Variants in CSMD3 observed in about 807,000 individuals in gnomAD.
CSMD3 encodes the protein CUB and sushi domain-containing protein 3.
CSMD3 carries 177 observed loss-of-function variants against 435.2 expected under a neutral mutation model. The observed-to-expected ratio is 0.41, with a 90% CI of 0.36 to 0.46. The LOEUF is 0.46. CSMD3 is among the 20% of genes least tolerant of loss of function. The pLI is 0.34. For missense variants in CSMD3, 4,265 were observed against 4,504.6 expected, an observed-to-expected ratio of 0.95 and a Z score of 1.52; for synonymous variants, 1,656 against 1,520.5, an observed-to-expected ratio of 1.09 and a Z score of -2.07.
chr8:113,171,542 GTT>G (rs11355373), intron 4 of CSMD3, among the ~76,000 whole-genome samples: 24 of 151,514 alleles, frequency 1.6e-4, no homozygotes, highest in African/African-American at 4.4e-4. Flanking sequence ...GAGTTTTATG[GTT>G]TTTTTTTTAA....
chr8:112,940,435 T>C (rs2083417789), intron 9 of CSMD3, among the ~76,000 whole-genome samples: 1 of 151,812 alleles, frequency 6.6e-6, no homozygotes, highest in Non-Finnish European at 1.5e-5. Context: ...AATTAAGGCC[T>C]TTCCCACAGA....
intron 3 of CSMD3, among the ~76,000 whole-genome samples, chr8:113,274,971 A>C (rs1231435105): frequency 2.0e-5 from 3 of 152,066 alleles, no homozygotes; most frequent in African/African-American, 7.2e-5. Flanking sequence ...CCATAAAAAT[A>C]GCCTTTTTAA....
At chr8:112,912,185 T>C (rs1189917615) in intron 10 of CSMD3, among the ~76,000 whole-genome samples, 1 of 151,402 alleles carries the variant, frequency 6.6e-6, no homozygotes, top group Non-Finnish European at 1.5e-5. Flanking sequence ...GTTGATTACA[T>C]ATCTTGGCTA....
At chr8:112,718,449 T>G (rs888219425) in intron 13 of CSMD3, among the ~76,000 whole-genome samples, 1 of 151,780 alleles carries the variant, frequency 6.6e-6, no homozygotes, top group African/African-American at 2.4e-5. Context: ...TTGAACTATT[T>G]CATTCTCTCT....
At chr8:112,598,772 G>T (rs1279559165) in intron 22 of CSMD3, among the ~76,000 whole-genome samples, 5 of 151,976 alleles carry the variant, frequency 3.3e-5, no homozygotes, top group African/African-American at 9.7e-5. Flanking sequence ...ATGGGGAAAG[G>T]ATTCCCTATT....
intron 5 of CSMD3, among the ~76,000 whole-genome samples, chr8:113,026,585 C>T (rs1564225484): frequency 6.6e-6 from 1 of 152,154 alleles, no homozygotes; most frequent in Non-Finnish European, 1.5e-5. Context: ...ATCCCTGATA[C>T]TTAGCATAAT....
At chr8:112,755,374 G>A (rs951231394) in intron 13 of CSMD3, among the ~76,000 whole-genome samples, 10 of 113,420 alleles carry the variant, frequency 8.8e-5, no homozygotes, top group Non-Finnish European at 1.4e-4. Context: ...TAATAATAAT[G>A]AGGGCGATTA....
At chr8:113,067,771 C>A (rs1211198378) in intron 5 of CSMD3, among the ~76,000 whole-genome samples, 1 of 151,918 alleles carries the variant, frequency 6.6e-6, no homozygotes, top group East Asian at 1.9e-4. Flanking sequence ...AGTTCAGCAC[C>A]AAGAAAAGAG....
At chr8:112,291,999 A>G (rs1329810838) in intron 55 of CSMD3, among the ~76,000 whole-genome samples, 1 of 152,066 alleles carries the variant, frequency 6.6e-6, no homozygotes, top group Non-Finnish European at 1.5e-5. Context: ...AGAAAACAAC[A>G]TGCAGGAGAA....
At chr8:112,689,280 G>A (rs994756175) in intron 14 of CSMD3, among the ~76,000 whole-genome samples, 4 of 151,962 alleles carry the variant, frequency 2.6e-5, no homozygotes, top group South Asian at 2.1e-4. Context: ...CACCAAGTGC[G>A]TGAATAGGCA....
intron 2 of CSMD3, among the ~76,000 whole-genome samples, chr8:113,303,174 G>C (rs2093787850): frequency 6.8e-6 from 1 of 146,766 alleles, no homozygotes; most frequent in Admixed American, 6.9e-5. Context: ...GCTTCAAAGA[G>C]AATAAAATAC....
intron 17 of CSMD3, among the ~76,000 whole-genome samples, chr8:112,656,591 T>C (rs185506206): frequency 3.3e-5 from 5 of 152,238 alleles, no homozygotes; most frequent in African/African-American, 1.2e-4. Flanking sequence ...CTTTCAAATA[T>C]TATAAATTAT....
intron 9 of CSMD3, among the ~76,000 whole-genome samples, chr8:112,939,887 T>C (rs1205141674): frequency 6.6e-6 from 1 of 152,006 alleles, no homozygotes; most frequent in Admixed American, 6.6e-5. Flanking sequence ...AGCCATTACA[T>C]TCAAGAGAGC....
chr8:112,430,757 T>C (rs1436079856), intron 32 of CSMD3, among the ~76,000 whole-genome samples: 2 of 152,086 alleles, frequency 1.3e-5, no homozygotes, highest in African/African-American at 4.8e-5. Flanking sequence ...AATACTCAGT[T>C]CACTGGTCTA....
intron 1 of CSMD3, among the ~76,000 whole-genome samples, chr8:113,349,041 T>A (rs2094172037): frequency 6.6e-6 from 1 of 152,128 alleles, no homozygotes; most frequent in Admixed American, 6.6e-5. Flanking sequence ...GTGTAACTAG[T>A]TTACTATTTG....
chr8:113,226,072 G>A (rs146383928), intron 3 of CSMD3, among the ~76,000 whole-genome samples: 210 of 151,512 alleles, frequency 1.4e-3, no homozygotes, highest in African/African-American at 4.8e-3. Flanking sequence ...ATGACTGTAA[G>A]TTTCCTGAGT....
intron 51 of CSMD3, 46 bp downstream of exon 51, chr8:112,305,961 A>C (rs770053862): frequency 6.7e-7 from 1 of 1,494,910 alleles, no homozygotes; most frequent in Admixed American, 1.7e-5. Flanking sequence ...AGGTATATAA[A>C]ATACCAAGAG....
At chr8:112,372,959 C>A (rs1324932263) in intron 38 of CSMD3, among the ~76,000 whole-genome samples, 2 of 144,430 alleles carry the variant, frequency 1.4e-5, no homozygotes, top group Non-Finnish European at 3.0e-5. Flanking sequence ...AGTAACTCTG[C>A]CAGCAGAAAA....
intron 5 of CSMD3, among the ~76,000 whole-genome samples, chr8:113,039,292 C>A (rs1408997645): frequency 6.6e-6 from 1 of 152,058 alleles, no homozygotes; most frequent in Non-Finnish European, 1.5e-5. Context: ...TGGTTAGAAT[C>A]TTATACATAT....
Sources: allele counts gnomAD v4.1 joint callset (sites outside exome capture counted in the v4.1 genomes callset), GRCh38; gene constraint gnomAD v4.1.1; transcripts MANE v1.5; gene names NCBI Gene and HGNC (gene_info 2026-07-23, HGNC 2026-07-21).